CADM2: variants seen among roughly 807,000 people sequenced by gnomAD.
The protein encoded by CADM2 is immunoglobulin superfamily member 4D.
A neutral mutation model predicts 49.8 loss-of-function variants in CADM2; 12 were observed. That is an observed-to-expected ratio of 0.24 (90% confidence interval 0.15 to 0.39). CADM2 has a LOEUF of 0.39. Among genes scored for constraint, CADM2 ranks in the 10% least tolerant of loss-of-function variants. The probability of loss-of-function intolerance (pLI) is 1.00; values close to 1 mark genes in which losing one functional copy is unlikely to be tolerated. For synonymous variants in CADM2, 214 were observed against 175.4 expected (o/e 1.22, Z -1.74); for missense variants, 378 against 492.3 (o/e 0.77, Z 2.20).
intron 1 of CADM2, among the ~76,000 whole-genome samples, chr3:85,448,332 CAAAAA>C (rs57338759): frequency 0.18 from 23,383 of 128,642 alleles, 2,075 homozygotes; most frequent in East Asian, 0.27. Flanking sequence ...GATTCCGTCT[CAAAAA>C]AAAAAAAAAA....
chr3:85,779,523 A>T lies in CADM2; in HGVS notation c.89-22524A>T, dbSNP rs148281029. 2.8e-3 allele frequency among the ~76,000 whole-genome samples: 421 copies of T among 152,228 alleles called. 1 individual carries two copies. Among genetic ancestry groups the T allele is most frequent in the African/African-American group, 9.8e-3 (406 of 41,548 alleles). ...AACACATCCTTCTTCACATAGCAAC[A>T]ACAAGGAGAAGTGCAGAGTGAAGAG... On this transcript the variant is annotated intron_variant, in intron 2 of 9. Coordinates refer to ENST00000383699, the MANE Select transcript of CADM2 (RefSeq NM_001167675.2).
At chr3:85,325,699 A>G (rs927408009) in intron 1 of CADM2, among the ~76,000 whole-genome samples, 2 of 151,862 alleles carry the variant, frequency 1.3e-5, no homozygotes, top group Non-Finnish European at 2.9e-5. Flanking sequence ...AAAAAAAAAA[A>G]AAAAAAAAAG....
chr3:85,698,239 A>G (rs1332442118), intron 1 of CADM2, among the ~76,000 whole-genome samples: 1 of 152,210 alleles, frequency 6.6e-6, no homozygotes, highest in Non-Finnish European at 1.5e-5. Context: ...TGGTCCAAGG[A>G]AGTTTCACTC....
At chr3:85,436,068 T>C (rs983262239) in intron 1 of CADM2, among the ~76,000 whole-genome samples, 1 of 152,118 alleles carries the variant, frequency 6.6e-6, no homozygotes, top group East Asian at 1.9e-4. Flanking sequence ...TGTCATTGCT[T>C]TTGGTGTTTT....
chr3:84,990,411 T>G (rs2107174684), intron 1 of CADM2, among the ~76,000 whole-genome samples: 1 of 151,944 alleles, frequency 6.6e-6, no homozygotes, highest in East Asian at 1.9e-4. Context: ...TCACTAGATT[T>G]TATTATATTT....
intron 1 of CADM2, among the ~76,000 whole-genome samples, chr3:85,025,330 G>A (rs1220334563): frequency 6.6e-6 from 1 of 152,068 alleles, no homozygotes; most frequent in African/African-American, 2.4e-5. Flanking sequence ...CAAGAAATGT[G>A]CTGATTCTAA....
At chr3:85,404,589 CT>C (rs2035281806) in intron 1 of CADM2, among the ~76,000 whole-genome samples, 1 of 152,048 alleles carries the variant, frequency 6.6e-6, no homozygotes, top group Non-Finnish European at 1.5e-5. Context: ...AATAATCAAT[CT>C]ATGTAAGACA....
In CADM2 at chr3:85,804,157, T is replaced by A. The variant is rs188552141; in HGVS notation, c.238+1961T>A. ...TAAATATTTAAAGTGTATGCTCAAATATAAGGTGGTGCCAATTTTAAGGAC... is the reference window on the plus strand; with the variant it reads ...TAAATATTTAAAGTGTATGCTCAAAAATAAGGTGGTGCCAATTTTAAGGAC... On this transcript the variant is annotated intron_variant, in intron 3 of 9. Coordinates refer to ENST00000383699, the MANE Select transcript of CADM2 (RefSeq NM_001167675.2). 2.6e-5 allele frequency among the ~76,000 whole-genome samples: 4 copies of A among 152,222 alleles called. No homozygotes were observed. The East Asian group carries it at 7.7e-4, about 29-fold the overall frequency.
intron 3 of CADM2, among the ~76,000 whole-genome samples, chr3:85,820,497 C>A (rs1258250367): frequency 6.6e-6 from 1 of 152,024 alleles, no homozygotes; most frequent in Non-Finnish European, 1.5e-5. Flanking sequence ...GAAAGTAGAG[C>A]AAATAGGACC....
At chr3:85,167,260 T>C (rs1227179358) in intron 1 of CADM2, among the ~76,000 whole-genome samples, 1 of 152,032 alleles carries the variant, frequency 6.6e-6, no homozygotes, top group East Asian at 1.9e-4. Context: ...AAAAATCCCA[T>C]AGAAATTTGA....
chr3:85,909,044 G>A (rs189242513), intron 5 of CADM2, among the ~76,000 whole-genome samples: 8 of 152,188 alleles, frequency 5.3e-5, no homozygotes, highest in Admixed American at 3.3e-4. Flanking sequence ...ATTTTTGAGG[G>A]AAAATTTACA....
chr3:85,848,063 T>A (rs1241063365), intron 3 of CADM2, among the ~76,000 whole-genome samples: 1 of 152,166 alleles, frequency 6.6e-6, no homozygotes, highest in Non-Finnish European at 1.5e-5. Flanking sequence ...ACTCATAATT[T>A]TTTTAATTAA....
At chr3:85,265,207 T>G (rs922954396) in intron 1 of CADM2, among the ~76,000 whole-genome samples, 1 of 152,044 alleles carries the variant, frequency 6.6e-6, no homozygotes, top group East Asian at 1.9e-4. Flanking sequence ...ATCTGTTGCT[T>G]TATTTCAAAA....
rs563259950 is a variant in CADM2, at chr3:85,514,282, A to G, written c.62-212240A>G. Among the ~76,000 whole-genome samples the G allele has an allele frequency of 1.5e-4, 23 of 152,194 alleles. No individual in the cohort carries two copies. The South Asian group carries it at 4.8e-3, about 32-fold the overall frequency. On this transcript the variant is annotated intron_variant, in intron 1 of 9. Coordinates refer to ENST00000383699, the MANE Select transcript of CADM2 (RefSeq NM_001167675.2). ...TACCTGGAGACAGACACTACTGTTT[A>G]TTTGATTCTCTATTCACGTTTTGTA...
chr3:85,244,342 G>A (rs886723415), intron 1 of CADM2, among the ~76,000 whole-genome samples: 1 of 151,974 alleles, frequency 6.6e-6, no homozygotes, highest in Non-Finnish European at 1.5e-5. Context: ...CACAGTAAAA[G>A]GTTTTAAAAT....
At chr3:85,704,473 C>T (rs918825347) in intron 1 of CADM2, among the ~76,000 whole-genome samples, 6 of 152,086 alleles carry the variant, frequency 3.9e-5, no homozygotes, top group Non-Finnish European at 5.9e-5. Context: ...GGTGAAAGCC[C>T]TCATCCTGGT....
intron 1 of CADM2, among the ~76,000 whole-genome samples, chr3:85,146,575 A>G (rs957805809): frequency 1.3e-5 from 2 of 152,244 alleles, no homozygotes; most frequent in Non-Finnish European, 2.9e-5. Flanking sequence ...TCATTGATTT[A>G]TATCAATAGT....
intron 1 of CADM2, among the ~76,000 whole-genome samples, chr3:85,392,425 A>G (rs1380588117): frequency 6.6e-6 from 1 of 152,094 alleles, no homozygotes; most frequent in Non-Finnish European, 1.5e-5. Flanking sequence ...CCTCAAAAAT[A>G]CCAATATCTT....
rs527843512 is a variant in CADM2, at chr3:85,838,434, C to A, written c.238+36238C>A. On this transcript the variant is annotated intron_variant, in intron 3 of 9. Transcript: ENST00000383699. ...CTTCTAAACACAGAGCCTTGTGCAA[C>A]CCACCTTGGAAGCTGTTGTGAAGAG... Among the ~76,000 whole-genome samples the A allele has an allele frequency of 5.3e-5, 8 of 151,832 alleles. 1 individual carries two copies. In the South Asian group the frequency reaches 1.2e-3, roughly 24 times the overall value.
Sources: allele counts gnomAD v4.1 joint callset (sites outside exome capture counted in the v4.1 genomes callset), GRCh38; gene constraint gnomAD v4.1.1; transcripts MANE v1.5; gene names NCBI Gene and HGNC (gene_info 2026-07-23, HGNC 2026-07-21).